Variants in FTO observed in about 807,000 individuals in gnomAD.
The protein encoded by FTO is FTO alpha-ketoglutarate dependent dioxygenase.
FTO carries 47 observed loss-of-function variants against 63.9 expected under a neutral mutation model. That is an observed-to-expected ratio of 0.74 (90% CI 0.58 to 0.94). The LOEUF is 0.94. Ranked by LOEUF, FTO falls within the 40% of genes least tolerant of loss-of-function variation. The pLI is 0.00. For missense variants in FTO, 562 were observed against 618.1 expected (o/e 0.91, Z 0.96); for synonymous variants, 207 against 224.4 (o/e 0.92, Z 0.69).
intron 3 of FTO, among the ~76,000 whole-genome samples, chr16:53,833,116 G>A (rs559709886): frequency 1.3e-4 from 20 of 152,246 alleles, no homozygotes; most frequent in Admixed American, 1.2e-3. Context: ...TAAGTCTCAC[G>A]AGATCTGGTG....
intron 1 of FTO, among the ~76,000 whole-genome samples, chr16:53,775,007 C>T (rs1230210386): frequency 1.3e-5 from 2 of 152,116 alleles, no homozygotes; most frequent in African/African-American, 2.4e-5. Flanking sequence ...ACTTCTGATT[C>T]TCACATGCCG....
intron 1 of FTO, among the ~76,000 whole-genome samples, chr16:53,783,605 A>T (rs1382779041): frequency 1.2e-4 from 5 of 41,882 alleles, no homozygotes; most frequent in Non-Finnish European, 2.3e-4. Flanking sequence ...AAGACTCCAT[A>T]AAAAAAAAAA....
chr16:54,096,734 G>T (rs1240154741), intron 8 of FTO, among the ~76,000 whole-genome samples: 1 of 152,144 alleles, frequency 6.6e-6, no homozygotes, highest in Non-Finnish European at 1.5e-5. Context: ...AATATGACTT[G>T]TTATTTATGT....
At chr16:53,961,775 T>C (rs1025582848) in intron 8 of FTO, among the ~76,000 whole-genome samples, 1 of 152,234 alleles carries the variant, frequency 6.6e-6, no homozygotes. Context: ...ATGACCAACA[T>C]TGACAGTGAT....
chr16:53,705,761 T>G (rs2075599486), intron 1 of FTO, among the ~76,000 whole-genome samples: 1 of 152,222 alleles, frequency 6.6e-6, no homozygotes, highest in Non-Finnish European at 1.5e-5. Context: ...AAATGTCACC[T>G]CATGGTGTTG....
Position 54,051,533 on chromosome 16 carries a change from CA to C in FTO, c.1365-60226del, listed in dbSNP as rs148185894. 9.7e-3 allele frequency among the ~76,000 whole-genome samples: 1,473 copies of C among 152,320 alleles called. 21 individuals are homozygous for C. The highest frequency in any genetic ancestry group is 0.034 in the African/African-American group (1,401 of 41,588). ...ACTGGCACAGGTGATAGGTAGTCTT[CA>C]AATCTACATGGCATCCCAATACAGT... On this transcript the variant is annotated intron_variant, in intron 8 of 8. Transcript: ENST00000471389.
chr16:53,935,849 T>C (rs1463383172), intron 8 of FTO: 1 of 152,220 alleles, frequency 6.6e-6, no homozygotes, highest in Non-Finnish European at 1.5e-5. Context: ...GGAATATCAG[T>C]TTGTGGACAT....
intron 1 of FTO, among the ~76,000 whole-genome samples, chr16:53,780,388 T>C (rs899926770): frequency 6.6e-6 from 1 of 152,192 alleles, no homozygotes; most frequent in Non-Finnish European, 1.5e-5. Flanking sequence ...GTGCCTTCCC[T>C]GACCAGCTGA....
chr16:53,972,257 G>A (rs549605609), intron 8 of FTO, among the ~76,000 whole-genome samples: 1 of 152,212 alleles, frequency 6.6e-6, no homozygotes, highest in East Asian at 1.9e-4. Flanking sequence ...AAGGCTCGGA[G>A]TATTGGAAAT....
chr16:53,817,320 G>GT (rs1003307984), intron 2 of FTO, among the ~76,000 whole-genome samples: 3 of 152,204 alleles, frequency 2.0e-5, no homozygotes, highest in African/African-American at 7.2e-5. Context: ...TGGAGCTCTA[G>GT]TTTGCATCAT....
chr16:53,793,562 G>A (rs915274202), intron 1 of FTO, among the ~76,000 whole-genome samples: 1 of 152,302 alleles, frequency 6.6e-6, no homozygotes, highest in South Asian at 2.1e-4. Context: ...GAAAGGTGCT[G>A]TCTTAGGGAG....
chr16:53,892,874 T>A (rs965869597), intron 7 of FTO, among the ~76,000 whole-genome samples: 1 of 152,192 alleles, frequency 6.6e-6, no homozygotes, highest in African/African-American at 2.4e-5. Context: ...AAATGAGCTT[T>A]GAAATCGCTT....
intron 2 of FTO, among the ~76,000 whole-genome samples, chr16:53,823,672 G>A (rs2078926832): frequency 6.6e-6 from 1 of 152,036 alleles, no homozygotes; most frequent in Non-Finnish European, 1.5e-5. Context: ...CAGAAATCTG[G>A]AATGTATTCT....
At chr16:53,989,756 A>G (rs1185072171) in intron 8 of FTO, among the ~76,000 whole-genome samples, 2 of 151,984 alleles carry the variant, frequency 1.3e-5, no homozygotes, top group African/African-American at 4.8e-5. Context: ...TGCACCAAGT[A>G]TGCCTGCCTC....
At chr16:53,935,229 C>A (rs980212481) in intron 8 of FTO, among the ~76,000 whole-genome samples, 22 of 152,082 alleles carry the variant, frequency 1.4e-4, no homozygotes, top group Non-Finnish European at 3.1e-4. Context: ...ATTCTATGTG[C>A]CTGGAAGTCA....
chr16:53,966,392 GT>G (rs1210139059), intron 8 of FTO, among the ~76,000 whole-genome samples: 2 of 152,200 alleles, frequency 1.3e-5, no homozygotes, highest in African/African-American at 4.8e-5. Context: ...AGGCAGCAGT[GT>G]TCCCATTGTG....
chr16:53,850,486 T>C (rs2079758946), intron 4 of FTO, among the ~76,000 whole-genome samples: 1 of 152,178 alleles, frequency 6.6e-6, no homozygotes, highest in East Asian at 1.9e-4. Flanking sequence ...GAGAAGGTCA[T>C]GACTTATGGA....
chr16:53,711,564 T>C (rs1010586774), intron 1 of FTO: 33 of 397,412 alleles, frequency 8.3e-5, no homozygotes, highest in Middle Eastern at 1.2e-3. Context: ...AGAAGATCTG[T>C]TTAAAGGTGT....
intron 1 of FTO, among the ~76,000 whole-genome samples, chr16:53,766,187 T>G (rs1455001454): frequency 6.6e-6 from 1 of 152,184 alleles, no homozygotes. Flanking sequence ...AAGGAAAATT[T>G]CCAGGCTTTT....
Sources: allele counts gnomAD v4.1 joint callset (sites outside exome capture counted in the v4.1 genomes callset), GRCh38; gene constraint gnomAD v4.1.1; transcripts MANE v1.5; gene names NCBI Gene and HGNC (gene_info 2026-07-23, HGNC 2026-07-21).